The following HMGB3 variants were observed in gnomAD, a reference collection of about 807,000 sequenced individuals.
HMGB3 encodes high mobility group protein B3.
HMGB3 carries 1 observed loss-of-function variant against 12.9 expected under a neutral mutation model. The ratio of observed to expected loss-of-function variants is 0.08; its 90% CI spans 0.03 to 0.37. The LOEUF (loss-of-function observed/expected upper bound fraction) is 0.37. HMGB3 is among the 10% of genes least tolerant of loss of function. The pLI is 0.99. For missense variants in HMGB3, 74 were observed against 153.3 expected (o/e 0.48, Z 2.73); for synonymous variants, 61 against 53.9 (o/e 1.13, Z -0.57).
chrX:150,981,748 G>A (rs1196935583), upstream of HMGB3, among the ~76,000 whole-genome samples: 10 of 111,425 alleles, frequency 9.0e-5, no homozygotes, highest in Non-Finnish European at 1.7e-4. Flanking sequence ...GAGCCACCGC[G>A]CTTGGCCTCT....
Position 150,987,859 on chromosome X carries a change from A to G in HMGB3, c.548A>G (p.Glu183Gly). 8.4e-7 allele frequency: 1 copy of G among 1,197,420 alleles called. No homozygotes were observed. The highest frequency in any genetic ancestry group is 1.1e-6 in the Non-Finnish European group (1 of 888,810). The change falls in exon 5 of 5, where the codon GAA (glutamate) becomes GGA (glycine). Residue 183 changes from glutamate (E) to glycine (G), a missense_variant. Around this residue, in one of 2 missense-constraint regions of HMGB3, gnomAD observed 29 missense variants for 29.5 expected, o/e 0.98. Coordinates refer to ENST00000325307, the MANE Select transcript of HMGB3 (RefSeq NM_005342.4). ...AKVARKKVEE[E>G]DEEEEEEEEE... ...GTTGCCCGGAAAAAGGTGGAAGAGG[A>G]AGATGAAGAAGAGGAGGAGGAAGAA...
At chrX:150,986,862 G>A (rs181638612) in intron 3 of HMGB3, among the ~76,000 whole-genome samples, 193 of 111,344 alleles carry the variant, frequency 1.7e-3, no homozygotes, top group African/African-American at 6.0e-3. Context: ...GGTCAGGCTG[G>A]TCTGAAACTC....
At chrX:150,982,147 T>C (rs1207219021), upstream of HMGB3, among the ~76,000 whole-genome samples, 1 of 112,277 alleles carries the variant, frequency 8.9e-6, no homozygotes, top group African/African-American at 3.2e-5. Context: ...AGATACTTTC[T>C]TTCCAAATAG....
chrX:150,986,311 G>C, intron 3 of HMGB3, 121 bp downstream of exon 3: 2 of 555,480 alleles, frequency 3.6e-6, no homozygotes, highest in Non-Finnish European at 5.5e-6. Flanking sequence ...ATACTTAAAA[G>C]ATGGCAATAC....
At chrX:150,986,274 A>G in intron 3 of HMGB3, 84 bp downstream of exon 3, 1 of 770,628 alleles carries the variant, frequency 1.3e-6, no homozygotes, top group Non-Finnish European at 1.8e-6. Flanking sequence ...CCTGTATTTC[A>G]TTTCAAAATG....
intron 1 of HMGB3, among the ~76,000 whole-genome samples, chrX:150,984,895 G>T (rs902417993): frequency 8.9e-6 from 1 of 112,322 alleles, no homozygotes; most frequent in Non-Finnish European, 1.9e-5. Context: ...AAACTTTGGA[G>T]AAAGTGTTCT....
At chrX:150,986,294 T>G in intron 3 of HMGB3, 104 bp downstream of exon 3, 1 of 677,312 alleles carries the variant, frequency 1.5e-6, no homozygotes, top group Non-Finnish European at 2.1e-6. Context: ...GAAATATTTT[T>G]TAAAAGATAC....
chrX:150,985,769 T>C lies in HMGB3; in HGVS notation c.150+20T>C, dbSNP rs782071600. On this transcript the variant is annotated intron_variant, in intron 2 of 4. Coordinates refer to ENST00000325307, the MANE Select transcript of HMGB3 (RefSeq NM_005342.4). ...TGGAAGGTATTTTTCTTTGGTACCC[T>C]TCAAACTAGTCTTAGTTGGGTTTCT... The C allele has an allele frequency of 8.4e-7, 1 of 1,184,296 alleles. No individual in the cohort carries two copies. Among genetic ancestry groups the C allele is most frequent in the Non-Finnish European group, 1.1e-6 (1 of 876,102 alleles).
At chrX:150,980,609 T>A (rs1364297516), upstream of HMGB3, 3 of 748,858 alleles carry the variant, frequency 4.0e-6, no homozygotes, top group Non-Finnish European at 1.6e-6. Context: ...ATGGAAATAC[T>A]TCCTGCGCGT....
In HMGB3 at chrX:150,989,762, G is replaced by A. The variant is rs782286819; in HGVS notation, c.*1848G>A. The A allele has an allele frequency of 1.1e-4, 12 of 111,935 alleles. No homozygotes were observed. The highest frequency in any genetic ancestry group is 2.3e-4 in the Non-Finnish European group (12 of 53,200). 9.2% of individuals were successfully genotyped at this position (111,935 alleles called of 1,213,427 possible). A position where few individuals can be genotyped will look rare whatever the true frequency, so the allele number is the denominator to read the frequency against. On this transcript the variant is annotated 3_prime_UTR_variant, in exon 5 of 5. Coordinates refer to ENST00000325307, the MANE Select transcript of HMGB3 (RefSeq NM_005342.4). ...CTATGAAACACGCAGGAGTGTTTTT[G>A]TGCTATTAATTTTAAGAGAAAGCAG...
chrX:150,986,207 T>G lies in HMGB3; in HGVS notation c.290+17T>G. 1 of 1,144,358 alleles carries G rather than the reference T, an allele frequency of 8.7e-7. No individual in the cohort carries two copies. The highest frequency in any genetic ancestry group is 1.2e-6 in the Non-Finnish European group (1 of 858,235). 94.3% of individuals were successfully genotyped at this position (1,144,358 alleles called of 1,213,427 possible). A position where few individuals can be genotyped will look rare whatever the true frequency, so the allele number is the denominator to read the frequency against. ...AAGGCCACCGTAAGTGACTATAGGATTCAAGATAACAATTAATACCTTTTC... is the reference window on the plus strand; with the variant it reads ...AAGGCCACCGTAAGTGACTATAGGAGTCAAGATAACAATTAATACCTTTTC... On this transcript the variant is annotated intron_variant, in intron 3 of 4. Transcript: ENST00000325307.
At chrX:150,980,805 T>C (rs782567115), upstream of HMGB3, among the ~76,000 whole-genome samples, 1 of 112,653 alleles carries the variant, frequency 8.9e-6, no homozygotes, top group Non-Finnish European at 1.9e-5. Flanking sequence ...GCCCTGGGTG[T>C]GCCCATACGT....
chrX:150,985,101 C>T (rs782161659), intron 1 of HMGB3, among the ~76,000 whole-genome samples: 1 of 111,536 alleles, frequency 9.0e-6, no homozygotes, highest in East Asian at 2.8e-4. Context: ...TTTCAGATGT[C>T]CCCTACGTAT....
intron 3 of HMGB3, among the ~76,000 whole-genome samples, chrX:150,986,800 T>C (rs1266195464): frequency 2.7e-5 from 3 of 110,593 alleles, no homozygotes; most frequent in Admixed American, 9.7e-5. Flanking sequence ...TGCACCACCA[T>C]GCCCGGCTAA....
intron 1 of HMGB3, 53 bp from the exon 2 acceptor site, chrX:150,985,542 C>G: frequency 1.9e-6 from 2 of 1,029,501 alleles, no homozygotes; most frequent in Non-Finnish European, 2.6e-6. Context: ...TACTTCTTGT[C>G]AATTCCTCCT....
At chrX:150,985,869 AT>A in intron 2 of HMGB3, 120 bp downstream of exon 2, 1 of 856,567 alleles carries the variant, frequency 1.2e-6, no homozygotes, top group Admixed American at 3.0e-5. Context: ...ACTTAGAATC[AT>A]TTTTGCTTGT....
At chrX:150,983,478 GCGCCGCCGTGAGCGCGCCCTGC>G (rs1394429592) in intron 1 of HMGB3, 102 bp downstream of exon 1, 9 of 743,676 alleles carry the variant, frequency 1.2e-5, no homozygotes, top group East Asian at 1.5e-4. Flanking sequence ...TTTCCGGCCC[GCGCCGCCGTGAGCGCGCCCTGC>G]CGCCGCCTCC....
At chrX:150,983,310 G>A (rs2048004877), upstream of HMGB3, 1 of 755,787 alleles carries the variant, frequency 1.3e-6, no homozygotes, top group Non-Finnish European at 1.6e-6. Context: ...GAGGCAGCTA[G>A]CGCGAGGCTG....
At chrX:150,982,760 A>C (rs2048000006), upstream of HMGB3, among the ~76,000 whole-genome samples, 1 of 113,184 alleles carries the variant, frequency 8.8e-6, no homozygotes, top group Non-Finnish European at 1.9e-5. Context: ...CCGAGGACTA[A>C]ATCCCGAGGT....
Sources: allele counts gnomAD v4.1 joint callset (sites outside exome capture counted in the v4.1 genomes callset), GRCh38; gene constraint gnomAD v4.1.1; regional missense constraint gnomAD v4.1.1; transcripts MANE v1.5; gene names NCBI Gene and HGNC (gene_info 2026-07-23, HGNC 2026-07-21).